The following AVEN variants were observed in gnomAD, a reference collection of about 807,000 sequenced individuals.
AVEN encodes the protein apoptosis and caspase activation inhibitor.
AVEN carries 41 observed loss-of-function variants against 38.1 expected under a neutral mutation model. That is an observed-to-expected ratio of 1.08 (90% confidence interval 0.84 to 1.40). AVEN has a LOEUF of 1.40. Ranked by LOEUF, AVEN falls within the 40% of genes most tolerant of loss-of-function variation. AVEN has a pLI of 0.00. For missense variants in AVEN, 605 were observed against 438.8 expected (o/e 1.38, Z -3.38); for synonymous variants, 206 against 171.8 (o/e 1.20, Z -1.56).
At chr15:33,943,954 G>A (rs183867982) in intron 2 of AVEN, among the ~76,000 whole-genome samples, 10 of 150,672 alleles carry the variant, frequency 6.6e-5, no homozygotes, top group African/African-American at 1.7e-4. Flanking sequence ...GTCTGGTCTC[G>A]AACTCCTGGG....
intron 1 of AVEN, among the ~76,000 whole-genome samples, chr15:34,033,384 T>C (rs1898954239): frequency 6.6e-6 from 1 of 151,910 alleles, no homozygotes; most frequent in South Asian, 2.1e-4. Context: ...TGTGCACCTG[T>C]AGTCCCAGCT....
chr15:34,016,399 G>T (rs527581986), intron 1 of AVEN, among the ~76,000 whole-genome samples: 9 of 152,188 alleles, frequency 5.9e-5, no homozygotes, highest in African/African-American at 1.7e-4. Context: ...GGCTCGCATG[G>T]GTACTGACCT....
At position 33,927,840 on chromosome 15, in the gene AVEN, G is replaced by A. The variant is rs1259397577; in HGVS notation, c.446-51845C>T. ...CTGGAACCTTGGAGGGTCTAGATAA[G>A]GGGAAATTTGAGTTGGGGACATATT... On this transcript the variant is annotated intron_variant, in intron 2 of 5. Coordinates refer to ENST00000306730, the MANE Select transcript of AVEN (RefSeq NM_020371.3). Among the ~76,000 whole-genome samples, 53 of 152,138 alleles carry A rather than the reference G, an allele frequency of 3.5e-4. 1 individual carries two copies. The highest frequency in any genetic ancestry group is 5.9e-5 in the Non-Finnish European group (4 of 68,028).
rs1900461995 is a variant in AVEN, at chr15:34,064,579, G to C, written n.1127-1147C>G. The C allele has an allele frequency of 8.3e-6, 4 of 479,610 alleles. No homozygotes were observed. In the East Asian group the frequency reaches 1.5e-4, roughly 18 times the overall value. The allele number at this position is 479,610 out of a possible 1,614,324, so 29.7% of individuals were successfully genotyped here. On this transcript the variant is annotated intron_variant and non_coding_transcript_variant, in intron 4 of 11. Coordinates refer to the AVEN transcript ENST00000675287. Reference sequence around the variant, plus strand: ...CAATGAAGTAAAGGGATAGGCTCATGGCCCTTCACAAGAGGAAGCACACTG... The same window carrying C: ...CAATGAAGTAAAGGGATAGGCTCATCGCCCTTCACAAGAGGAAGCACACTG...
At chr15:33,929,070 T>C (rs1893740791) in intron 2 of AVEN, among the ~76,000 whole-genome samples, 1 of 152,130 alleles carries the variant, frequency 6.6e-6, no homozygotes, top group Admixed American at 6.5e-5. Flanking sequence ...ATAACAGTTG[T>C]ATCTCTTGCT....
intron 1 of AVEN, chr15:34,018,518 G>A (rs139333909): frequency 0.014 from 2,155 of 152,316 alleles, 45 homozygotes; most frequent in African/African-American, 0.048. Flanking sequence ...TGTTTCTCCC[G>A]GTGGGTTCGT....
chr15:34,044,966 T>C (rs1373972486), intron 5 of AVEN, among the ~76,000 whole-genome samples: 1 of 152,176 alleles, frequency 6.6e-6, no homozygotes, highest in Non-Finnish European at 1.5e-5. Context: ...GAGAATGGCA[T>C]GAACCTGGGA....
At position 33,989,634 on chromosome 15, in the gene AVEN, A is replaced by G. The variant is rs1021733933; in HGVS notation, c.445+13398T>C. The stretch of plus-strand genomic sequence containing the variant: ...GTCCCTTTTCATAGTCTCTGAATTC[A>G]TGTTTCATGTGTTTTATTTTAGAAG... On this transcript the variant is annotated intron_variant, in intron 2 of 5. Transcript: ENST00000306730. Among the ~76,000 whole-genome samples the G allele has an allele frequency of 2.0e-5, 3 of 152,118 alleles. No homozygotes were observed. In the East Asian group the frequency reaches 5.8e-4, roughly 29 times the overall value.
At chr15:34,001,063 C>CA (rs1380123924) in intron 2 of AVEN, among the ~76,000 whole-genome samples, 1 of 149,788 alleles carries the variant, frequency 6.7e-6, no homozygotes, top group Non-Finnish European at 1.5e-5. Context: ...TCTTGTTGCC[C>CA]AGGCTGGAGT....
intron 1 of AVEN, among the ~76,000 whole-genome samples, chr15:34,016,307 A>G (rs1897909756): frequency 6.6e-6 from 1 of 152,214 alleles, no homozygotes. Flanking sequence ...TGAAGTGCAC[A>G]GTACTATCAG....
chr15:33,992,231 T>C (rs912343344), intron 2 of AVEN, among the ~76,000 whole-genome samples: 2 of 152,062 alleles, frequency 1.3e-5, no homozygotes, highest in South Asian at 2.1e-4. Context: ...ACTAAAAAAA[T>C]ACAAAACAGT....
chr15:34,015,895 CA>C (rs1304443669), intron 1 of AVEN, among the ~76,000 whole-genome samples: 2 of 152,164 alleles, frequency 1.3e-5, no homozygotes, highest in Non-Finnish European at 2.9e-5. Context: ...CAATTGGAGA[CA>C]GTACATTCCT....
At chr15:33,892,729 TAA>T (rs1892040264) in intron 2 of AVEN, among the ~76,000 whole-genome samples, 3 of 39,156 alleles carry the variant, frequency 7.7e-5, no homozygotes, top group Admixed American at 3.9e-4. Context: ...ATATGAACTT[TAA>T]AGTAGTTTTT....
chr15:34,045,321 G>A (rs1354825192), intron 5 of AVEN, among the ~76,000 whole-genome samples: 2 of 152,108 alleles, frequency 1.3e-5, no homozygotes, highest in Admixed American at 6.6e-5. Flanking sequence ...GTATTAAGAG[G>A]TCATTTCTTA....
intron 2 of AVEN, among the ~76,000 whole-genome samples, chr15:33,975,816 G>C (rs1323047270): frequency 2.0e-5 from 3 of 152,168 alleles, no homozygotes; most frequent in Admixed American, 6.5e-5. Context: ...TGTAGTCCCA[G>C]CTACTCGGGA....
At chr15:34,053,718 T>C (rs1284144159) in intron 5 of AVEN, among the ~76,000 whole-genome samples, 1 of 151,974 alleles carries the variant, frequency 6.6e-6, no homozygotes, top group African/African-American at 2.4e-5. Context: ...CCCAAAACTA[T>C]AAAAACTCTA....
intron 2 of AVEN, among the ~76,000 whole-genome samples, chr15:33,917,417 A>T (rs1893184297): frequency 6.7e-6 from 1 of 149,368 alleles, no homozygotes; most frequent in East Asian, 2.0e-4. Flanking sequence ...TACTATATAT[A>T]TACACACACT....
At chr15:34,036,899 C>T (rs1206409122) in intron 1 of AVEN, among the ~76,000 whole-genome samples, 1 of 152,118 alleles carries the variant, frequency 6.6e-6, no homozygotes, top group Non-Finnish European at 1.5e-5. Context: ...CACCTGAGGT[C>T]AGGAGTTCGA....
At chr15:33,918,341 G>C (rs1862917) in intron 2 of AVEN, among the ~76,000 whole-genome samples, 1 of 151,782 alleles carries the variant, frequency 6.6e-6, no homozygotes, top group African/African-American at 2.4e-5. Flanking sequence ...CTAATAATAG[G>C]AACCTAGCCA....
Sources: gnomAD v4.1 joint callset for allele counts (sites outside exome capture counted in the v4.1 genomes callset) on GRCh38, gnomAD v4.1.1 for gene constraint, MANE v1.5 for transcripts, NCBI Gene and HGNC (gene_info 2026-07-23, HGNC 2026-07-21) for gene names.